PLCH2: variants seen among roughly 807,000 people sequenced by gnomAD.
PLCH2 encodes the protein phospholipase C eta 2, also known as 1-phosphatidylinositol 4,5-bisphosphate phosphodiesterase eta-2.
In PLCH2, 98 loss-of-function variants were observed where a neutral mutation model predicts 134.7. The observed-to-expected ratio is 0.73, with a 90% confidence interval of 0.62 to 0.86. The LOEUF (loss-of-function observed/expected upper bound fraction) is 0.86. Among genes scored for constraint, PLCH2 ranks in the 40% least tolerant of loss-of-function variants. The probability of loss-of-function intolerance (pLI) is 0.00; values close to 1 mark genes in which losing one functional copy is unlikely to be tolerated. For synonymous variants in PLCH2, 974 were observed against 827.5 expected (o/e 1.18, Z -3.04); for missense variants, 1,994 against 1,986.6 (o/e 1.00, Z -0.07).
intron 4 of PLCH2, 30 bp from the exon 5 acceptor site, chr1:2,484,418 C>G: frequency 6.2e-7 from 1 of 1,610,530 alleles, no homozygotes; most frequent in African/African-American, 1.3e-5. Context: ...GGTCGAGGTG[C>G]CAATGGGGAC....
chr1:2,503,062 C>T (rs1161290443), intron 21 of PLCH2: 2 of 707,158 alleles, frequency 2.8e-6, no homozygotes, highest in Non-Finnish European at 5.2e-6. Context: ...GCACTCTGCT[C>T]CCTTGGCTTG....
chr1:2,436,330 T>C (rs1442351826), intron 2 of PLCH2, among the ~76,000 whole-genome samples: 1 of 11,908 alleles, frequency 8.4e-5, no homozygotes, highest in Non-Finnish European at 1.5e-4. Flanking sequence ...CCCTCCTCCC[T>C]TCCTCCCTCC....
chr1:2,479,747 C>T lies in PLCH2; in HGVS notation c.285C>T (p.Ser95=), dbSNP rs1181518369. Residue 95 remains serine, a synonymous_variant, in exon 3 of 22, where the codon TCC becomes TCT. Coordinates refer to ENST00000378486, the MANE Select transcript of PLCH2 (RefSeq NM_014638.4). ...CCCACCCCGCAGTCTCCATCGACTC[C>T]ATCCAGGAGGTGAGTGAGGGGCGGC... ...KNEKAKISID[S]IQEVSEGRQS... 1 of 1,543,330 alleles carries T rather than the reference C, an allele frequency of 6.5e-7. No individual in the cohort carries two copies. The highest frequency in any genetic ancestry group is 1.2e-5 in the South Asian group (1 of 84,178).
intron 15 of PLCH2, 98 bp downstream of exon 15, chr1:2,497,108 G>C: frequency 8.1e-7 from 1 of 1,229,982 alleles, no homozygotes. Context: ...TGGGGCCTCG[G>C]TTCTGTCCTG....
chr1:2,457,878 T>TG (rs1181726528), intron 2 of PLCH2, among the ~76,000 whole-genome samples: 3 of 113,988 alleles, frequency 2.6e-5, no homozygotes, highest in Non-Finnish European at 5.1e-5. Context: ...GTTTTAGACC[T>TG]GAAAAAAAAA....
At chr1:2,497,122 T>A in intron 15 of PLCH2, 112 bp downstream of exon 15, 4 of 1,069,858 alleles carry the variant, frequency 3.7e-6, no homozygotes, top group South Asian at 1.6e-5. Context: ...TGTCCTGGGC[T>A]CTATTGCCCT....
chr1:2,475,865 C>T (rs565891797), upstream of PLCH2, among the ~76,000 whole-genome samples: 2 of 152,232 alleles, frequency 1.3e-5, no homozygotes, highest in South Asian at 2.1e-4. Flanking sequence ...AGGGGCTGGG[C>T]GCTGCGGGGA....
intron 9 of PLCH2, 149 bp downstream of exon 9, chr1:2,489,527 C>G: frequency 1.2e-6 from 1 of 835,378 alleles, no homozygotes; most frequent in Non-Finnish European, 1.9e-6. Context: ...TGGCCTCCAT[C>G]TCCCCATGGT....
chr1:2,458,186 G>A (rs887290167), intron 2 of PLCH2, among the ~76,000 whole-genome samples: 4 of 152,224 alleles, frequency 2.6e-5, no homozygotes, highest in Non-Finnish European at 4.4e-5. Context: ...GCAGGACACC[G>A]GGCTGCCTGG....
In PLCH2 at chr1:2,495,396, C is replaced by G. The variant is rs902035134; in HGVS notation, c.1753-92C>G. On this transcript the variant is annotated intron_variant, in intron 12 of 21. Transcript: ENST00000378486. ...GAGGCTGCGTGGGCCGCTGGGGACC[C>G]CGGAGGATAGGCCCTCCCCAACCCC... is the stretch of plus-strand genomic sequence containing the variant. 3.6e-6 allele frequency: 4 copies of G among 1,096,596 alleles called. No homozygotes were observed. The African/African-American group carries it at 4.8e-5, about 13-fold the overall frequency. 67.9% of individuals were successfully genotyped at this position (1,096,596 alleles called of 1,614,324 possible). A position where few individuals can be genotyped will look rare whatever the true frequency, so the allele number is the denominator to read the frequency against.
At chr1:2,436,528 TCCTCCTTCCTCCCTCCTCCCTTC>T in intron 2 of PLCH2, among the ~76,000 whole-genome samples, 1 of 43,566 alleles carries the variant, frequency 2.3e-5, no homozygotes, top group Non-Finnish European at 3.6e-5. Context: ...CCTCCTCCTT[TCCTCCTTCCTCCCTCCTCCCTTC>T]CTCCCTCCAC....
upstream of PLCH2, among the ~76,000 whole-genome samples, chr1:2,474,199 C>T (rs1041924463): frequency 3.9e-5 from 6 of 152,112 alleles, no homozygotes; most frequent in African/African-American, 7.2e-5. Context: ...GGCCCTGGGC[C>T]GGCTCACAGG....
chr1:2,487,496 C>T (rs10910082), intron 7 of PLCH2, 102 bp from the exon 8 acceptor site: 918,388 of 1,489,248 alleles, frequency 0.62, 285,093 homozygotes, highest in East Asian at 0.82. Flanking sequence ...TTCTGTGTCC[C>T]TCACTGAGCA....
chr1:2,489,922 A>G (rs1394149820), intron 10 of PLCH2, 55 bp downstream of exon 10: 9 of 1,259,866 alleles, frequency 7.1e-6, no homozygotes, highest in South Asian at 4.8e-5. Context: ...TCCCAAGAAC[A>G]GCTGTCCGTC....
intron 2 of PLCH2, 91 bp downstream of exon 2, chr1:2,478,713 G>A: frequency 2.3e-6 from 3 of 1,292,330 alleles, no homozygotes; most frequent in Non-Finnish European, 3.2e-6. Context: ...GATGGCTGAG[G>A]AGCAGCGAGA....
chr1:2,495,207 C>A (rs1642814632), intron 12 of PLCH2, among the ~76,000 whole-genome samples: 1 of 152,186 alleles, frequency 6.6e-6, no homozygotes, highest in Non-Finnish European at 1.5e-5. Flanking sequence ...GGGCTCGGAG[C>A]TGGTGGGAAC....
upstream of PLCH2, among the ~76,000 whole-genome samples, chr1:2,422,662 G>T (rs1638578724): frequency 6.6e-6 from 1 of 152,146 alleles, no homozygotes; most frequent in Admixed American, 6.5e-5. Context: ...CTGTTGGTCT[G>T]TTTTTACTTT....
intron 1 of PLCH2, among the ~76,000 whole-genome samples, chr1:2,471,135 C>T (rs573101069): frequency 2.8e-4 from 43 of 152,248 alleles, no homozygotes; most frequent in African/African-American, 9.4e-4. Flanking sequence ...CGATTAATAC[C>T]GCTGCTGTGA....
At chr1:2,489,147 G>A in intron 8 of PLCH2, 60 bp from the exon 9 acceptor site, 1 of 1,476,990 alleles carries the variant, frequency 6.8e-7, no homozygotes, top group Non-Finnish European at 9.3e-7. Flanking sequence ...TGCAGAGGTG[G>A]GGCTTACCCA....
Sources: gnomAD v4.1 joint callset for allele counts (sites outside exome capture counted in the v4.1 genomes callset) on GRCh38, gnomAD v4.1.1 for gene constraint, MANE v1.5 for transcripts, NCBI Gene and HGNC (gene_info 2026-07-23, HGNC 2026-07-21) for gene names.